SLC44A5: variants seen among roughly 807,000 people sequenced by gnomAD.
The protein encoded by SLC44A5 is solute carrier family 44 member 5.
Under a neutral mutation model 101.8 loss-of-function variants are expected in SLC44A5, and 57 were observed. That is an observed-to-expected ratio of 0.56 (90% CI 0.45 to 0.70). The LOEUF (loss-of-function observed/expected upper bound fraction) is 0.70. Among genes scored for constraint, SLC44A5 ranks in the 30% least tolerant of loss-of-function variants. The pLI is 0.00. For missense variants in SLC44A5, 737 were observed against 853.1 expected (o/e 0.86, Z 1.70); for synonymous variants, 281 against 290.9 (o/e 0.97, Z 0.35).
In SLC44A5 at chr1:75,261,691, C is replaced by G. The variant is rs570753299; in HGVS notation, c.261-10397G>C. On this transcript the variant is annotated intron_variant, in intron 6 of 23. Coordinates refer to ENST00000370859, the MANE Select transcript of SLC44A5 (RefSeq NM_001130058.2). Reference sequence around the variant, plus strand: ...TTATGAAGCCAGCATCATCCTAATGCCAAAACCTGGCAGAGACACAACAAC... The same window carrying G: ...TTATGAAGCCAGCATCATCCTAATGGCAAAACCTGGCAGAGACACAACAAC... Among the ~76,000 whole-genome samples, 5 of 152,160 alleles carry G rather than the reference C, an allele frequency of 3.3e-5. No individual in the cohort carries two copies. In the South Asian group the frequency reaches 1.0e-3, roughly 32 times the overall value.
chr1:75,306,250 G>T (rs1009967935), intron 4 of SLC44A5, among the ~76,000 whole-genome samples: 12 of 152,132 alleles, frequency 7.9e-5, no homozygotes, highest in African/African-American at 2.7e-4. Flanking sequence ...GACATTTATA[G>T]AAAAAGTTTA....
chr1:75,345,230 C>G (rs1276973850), intron 3 of SLC44A5, among the ~76,000 whole-genome samples: 1 of 152,134 alleles, frequency 6.6e-6, no homozygotes, highest in South Asian at 2.1e-4. Flanking sequence ...ATTGTAATGT[C>G]AAGGCAAGTA....
At chr1:75,399,809 A>G (rs998771516) in intron 2 of SLC44A5, among the ~76,000 whole-genome samples, 1 of 152,168 alleles carries the variant, frequency 6.6e-6, no homozygotes, top group Non-Finnish European at 1.5e-5. Flanking sequence ...GTTTTCTTTG[A>G]CTTTCTGTAA....
the SLC44A5 span, among the ~76,000 whole-genome samples, chr1:75,633,142 T>A: frequency 3.3e-5 from 5 of 152,162 alleles, no homozygotes; most frequent in Admixed American, 6.5e-5. Context: ...TTATAAATAA[T>A]ATGATTACTT....
intron 2 of SLC44A5, among the ~76,000 whole-genome samples, chr1:75,520,216 T>C (rs1670043423): frequency 6.6e-6 from 1 of 151,988 alleles, no homozygotes; most frequent in African/African-American, 2.4e-5. Flanking sequence ...GAAATTGGAG[T>C]GGCATGCCCA....
chr1:75,711,444 T>TA, the SLC44A5 span, among the ~76,000 whole-genome samples: 1 of 152,322 alleles, frequency 6.6e-6, no homozygotes, highest in South Asian at 2.1e-4. Context: ...ATCAAACTTT[T>TA]AAAAAATAGT....
chr1:75,580,264 G>T lies in SLC44A5; in HGVS notation c.-70+30776C>A, dbSNP rs140029632. On this transcript the variant is annotated intron_variant, in intron 1 of 23. Transcript: ENST00000370859. ...TAAAAATAAAAAAGCAAAACTTTAA[G>T]TTGTAGGATTTACGAACTTAGCCAA... Among the ~76,000 whole-genome samples the T allele has an allele frequency of 5.7e-3, 868 of 152,244 alleles. 15 individuals are homozygous for T. The highest frequency in any genetic ancestry group is 0.035 in the Admixed American group (530 of 15,286).
At chr1:75,681,657 A>C in the SLC44A5 span, among the ~76,000 whole-genome samples, 1 of 149,498 alleles carries the variant, frequency 6.7e-6, no homozygotes, top group Non-Finnish European at 1.5e-5. Context: ...TATCATACTG[A>C]ATGGGCAAAA....
intron 2 of SLC44A5, among the ~76,000 whole-genome samples, chr1:75,452,327 A>G (rs539632050): frequency 3.0e-4 from 46 of 152,268 alleles, no homozygotes; most frequent in African/African-American, 8.9e-4. Flanking sequence ...GAGAAATAAA[A>G]TCTTTTCCAG....
chr1:75,575,535 C>G (rs75202672), intron 1 of SLC44A5, among the ~76,000 whole-genome samples: 7,164 of 152,134 alleles, frequency 0.047, 196 homozygotes, highest in East Asian at 0.11. Flanking sequence ...AAAATATTTC[C>G]TAGGAGCTGG....
At chr1:75,234,626 A>G (rs555507228) in intron 11 of SLC44A5, among the ~76,000 whole-genome samples, 13 of 152,096 alleles carry the variant, frequency 8.5e-5, no homozygotes, top group African/African-American at 2.9e-4. Flanking sequence ...CATTATCACT[A>G]TGGTCTAATT....
chr1:75,491,949 T>C (rs185154057), intron 2 of SLC44A5, among the ~76,000 whole-genome samples: 14 of 152,336 alleles, frequency 9.2e-5, no homozygotes, highest in Admixed American at 2.6e-4. Flanking sequence ...CTACCTTTTG[T>C]TCTACTTGGT....
the SLC44A5 span, chr1:75,710,634 T>C: frequency 6.8e-6 from 1 of 145,992 alleles, no homozygotes; most frequent in Admixed American, 6.8e-5. Flanking sequence ...TAGAGATAGA[T>C]GAGTACACAA....
At chr1:75,302,104 G>GTCTTTTTTTT (rs1654497456) in intron 4 of SLC44A5, among the ~76,000 whole-genome samples, 1 of 49,590 alleles carries the variant, frequency 2.0e-5, no homozygotes, top group Non-Finnish European at 3.4e-5. Context: ...AGGTGCTCTA[G>GTCTTTTTTTT]TTTTTTTGTT....
chr1:75,431,074 A>G (rs1664586941), intron 2 of SLC44A5, among the ~76,000 whole-genome samples: 1 of 152,218 alleles, frequency 6.6e-6, no homozygotes, highest in Non-Finnish European at 1.5e-5. Flanking sequence ...GGGAGGATGG[A>G]GACATAATTG....
intron 3 of SLC44A5, among the ~76,000 whole-genome samples, chr1:75,378,544 T>A (rs201533771): frequency 0.22 from 8,517 of 38,986 alleles, 77 homozygotes; most frequent in East Asian, 0.28. Context: ...TAGATTGTAA[T>A]GAAAAGACAA....
the SLC44A5 span, among the ~76,000 whole-genome samples, chr1:75,651,696 C>CAAAAAAA: frequency 1.4e-5 from 1 of 70,152 alleles, no homozygotes. Context: ...GACTCTGTCT[C>CAAAAAAA]AAAAAAAAAA....
At chr1:75,488,910 G>A (rs1033547192) in intron 2 of SLC44A5, among the ~76,000 whole-genome samples, 19 of 152,152 alleles carry the variant, frequency 1.2e-4, no homozygotes, top group African/African-American at 2.9e-4. Flanking sequence ...GTGCAATGGC[G>A]TGATCTTGGC....
the SLC44A5 span, among the ~76,000 whole-genome samples, chr1:75,654,720 C>T: frequency 6.6e-6 from 1 of 152,174 alleles, no homozygotes. Context: ...CCATAGACAG[C>T]TGCCCCATAA....
Sources: gnomAD v4.1 joint callset for allele counts (sites outside exome capture counted in the v4.1 genomes callset) on GRCh38, gnomAD v4.1.1 for gene constraint, MANE v1.5 for transcripts, NCBI Gene and HGNC (gene_info 2026-07-23, HGNC 2026-07-21) for gene names.